PIEZO2: variants seen among roughly 807,000 people sequenced by gnomAD.
PIEZO2 encodes piezo type mechanosensitive ion channel component 2.
A neutral mutation model predicts 337.3 loss-of-function variants in PIEZO2; 172 were observed. The ratio of observed to expected loss-of-function variants is 0.51; its 90% CI spans 0.45 to 0.58. PIEZO2 has a LOEUF of 0.58. Among genes scored for constraint, PIEZO2 ranks in the 20% least tolerant of loss-of-function variants. PIEZO2 has a pLI of 0.00. For synonymous variants in PIEZO2, 1,251 were observed against 1,228.5 expected (o/e 1.02, Z -0.38); for missense variants, 3,028 against 3,391.3 (o/e 0.89, Z 2.66).
rs1598349313 is a variant in PIEZO2, at chr18:10,682,372, T to C, written c.7498-80A>G. 1 of 1,238,468 alleles carries C rather than the reference T, an allele frequency of 8.1e-7. No individual in the cohort carries two copies. Among genetic ancestry groups the C allele is most frequent in the Admixed American group, 2.4e-5 (1 of 42,042 alleles). The allele number at this position is 1,238,468 out of a possible 1,614,324, so 76.7% of individuals were successfully genotyped here. On this transcript the variant is annotated intron_variant, in intron 49 of 55. Coordinates refer to ENST00000674853, the MANE Select transcript of PIEZO2 (RefSeq NM_001378183.1). The surrounding 1 kb of genome is among the most constrained non-coding windows in gnomAD (Gnocchi z 5.6). ...GGCAGCGGGATTGGGGGAGAGCGAGTGCTCTTCCTGTGGTGCTGGGAACAT... is the reference window on the plus strand; with the variant it reads ...GGCAGCGGGATTGGGGGAGAGCGAGCGCTCTTCCTGTGGTGCTGGGAACAT...
chr18:11,041,935 T>C (rs1598870965), intron 2 of PIEZO2, among the ~76,000 whole-genome samples: 1 of 152,210 alleles, frequency 6.6e-6, no homozygotes, highest in African/African-American at 2.4e-5. Context: ...TCTCCATGAC[T>C]GCCATGCCCC....
chr18:10,710,413 C>G lies in PIEZO2; in HGVS notation c.5424-1974G>C, dbSNP rs1173837782. 3.3e-5 allele frequency among the ~76,000 whole-genome samples: 5 copies of G among 152,350 alleles called. No homozygotes were observed. In the East Asian group the frequency reaches 9.6e-4, roughly 29 times the overall value. ...CCACTGCCAGCACCACAGGAACACA[C>G]AGCAACCCCTCAGAGGACATATTTA... is the stretch of plus-strand genomic sequence containing the variant. On this transcript the variant is annotated intron_variant, in intron 39 of 55. Coordinates refer to ENST00000674853, the MANE Select transcript of PIEZO2 (RefSeq NM_001378183.1).
chr18:10,693,093 T>C (rs114356466), intron 47 of PIEZO2, among the ~76,000 whole-genome samples: 2,430 of 152,306 alleles, frequency 0.016, 56 homozygotes, highest in African/African-American at 0.053. Flanking sequence ...GTCTTGTACA[T>C]GTTTTATCAT....
At position 11,146,459 on chromosome 18, in the gene PIEZO2, G is replaced by T. The variant is rs1311048618; in HGVS notation, c.64+2066C>A. Reference sequence around the variant, plus strand: ...CAGTCCCCCCACCTCCACCCTGGCTGCGAGTCACCGCCCCGAGCCCCTGTG... The same window carrying T: ...CAGTCCCCCCACCTCCACCCTGGCTTCGAGTCACCGCCCCGAGCCCCTGTG... On this transcript the variant is annotated intron_variant, in intron 1 of 55. Coordinates refer to ENST00000674853, the MANE Select transcript of PIEZO2 (RefSeq NM_001378183.1). The surrounding 1 kb of genome is among the most constrained non-coding windows in gnomAD (Gnocchi z 6.1). 6.6e-6 allele frequency among the ~76,000 whole-genome samples: 1 copy of T among 152,162 alleles called. No individual in the cohort carries two copies. The highest frequency in any genetic ancestry group is 1.5e-5 in the Non-Finnish European group (1 of 68,020).
At chr18:10,793,163 G>T (rs2039465383) in intron 13 of PIEZO2, among the ~76,000 whole-genome samples, 2 of 152,164 alleles carry the variant, frequency 1.3e-5, no homozygotes, top group Admixed American at 6.5e-5. Context: ...GGAGGCTGAG[G>T]CAGGAGAATG....
intron 3 of PIEZO2, among the ~76,000 whole-genome samples, chr18:10,959,593 T>C (rs868483152): frequency 9.8e-5 from 15 of 152,308 alleles, no homozygotes; most frequent in Admixed American, 2.0e-4. Context: ...GTATTGCGTA[T>C]GTATGCCAAC....
At chr18:10,986,164 G>A (rs1036946849) in intron 2 of PIEZO2, among the ~76,000 whole-genome samples, 4 of 151,888 alleles carry the variant, frequency 2.6e-5, no homozygotes, top group Admixed American at 6.6e-5. Flanking sequence ...ATTTAAAGAC[G>A]GACTAACAGC....
chr18:10,736,478 GT>G (rs1568001044), intron 34 of PIEZO2, 125 bp downstream of exon 34: 2 of 1,315,812 alleles, frequency 1.5e-6, no homozygotes, highest in Admixed American at 5.7e-5. Context: ...AATTGCAGAT[GT>G]AAATCAGAAG....
intron 45 of PIEZO2, among the ~76,000 whole-genome samples, chr18:10,696,993 C>T (rs1037777925): frequency 2.6e-5 from 4 of 152,168 alleles, no homozygotes; most frequent in East Asian, 1.9e-4. Flanking sequence ...TGAGGGCGCT[C>T]AGACTTGGAG....
Position 10,856,058 on chromosome 18 carries a change from T to C in PIEZO2, c.704-492A>G, listed in dbSNP as rs1224607009. ...ATGCTTATTTTATTTTATTTTGTTT[T>C]GTTTTATTTTATTTTATTTTTTGTA... On this transcript the variant is annotated intron_variant, in intron 6 of 55. Transcript: ENST00000674853. The surrounding 1 kb of genome is among the most constrained non-coding windows in gnomAD (Gnocchi z 4.7). 6.6e-6 allele frequency among the ~76,000 whole-genome samples: 1 copy of C among 152,146 alleles called. No homozygotes were observed. The highest frequency in any genetic ancestry group is 1.5e-5 in the Non-Finnish European group (1 of 68,038).
rs1229349451 is a variant in PIEZO2, at chr18:10,675,397, T to A, written c.8082-109A>T. On this transcript the variant is annotated intron_variant, in intron 53 of 55. Transcript: ENST00000674853. Reference sequence around the variant, plus strand: ...TTGTATCACCAAATAATAGTGAAAGTTTCATATATCTGTACAATGTGTAGA... The same window carrying A: ...TTGTATCACCAAATAATAGTGAAAGATTCATATATCTGTACAATGTGTAGA... 9.8e-6 allele frequency: 6 copies of A among 613,588 alleles called. No homozygotes were observed. The Admixed American group carries it at 2.2e-4, about 23-fold the overall frequency. 38.0% of individuals were successfully genotyped at this position (613,588 alleles called of 1,614,324 possible).
chr18:10,768,851 A>C (rs1450452448), intron 21 of PIEZO2, among the ~76,000 whole-genome samples: 1 of 152,220 alleles, frequency 6.6e-6, no homozygotes, highest in Non-Finnish European at 1.5e-5. Context: ...TGCATCCTTT[A>C]ACCCTTTTCT....
chr18:10,967,269 G>A lies in PIEZO2; in HGVS notation c.286+12266C>T, dbSNP rs181512515. Among the ~76,000 whole-genome samples, 31 of 152,014 alleles carry A rather than the reference G, an allele frequency of 2.0e-4. No individual in the cohort carries two copies. In the East Asian group the frequency reaches 4.3e-3, roughly 21 times the overall value. The stretch of plus-strand genomic sequence containing the variant: ...CCTGACCTCATGATCCACCTGCCTC[G>A]GCCTCCCAAAGTGCTGGGATTACAG... On this transcript the variant is annotated intron_variant, in intron 3 of 55. Coordinates refer to ENST00000674853, the MANE Select transcript of PIEZO2 (RefSeq NM_001378183.1).
At chr18:10,744,620 C>A (rs1422419123) in intron 30 of PIEZO2, among the ~76,000 whole-genome samples, 1 of 152,144 alleles carries the variant, frequency 6.6e-6, no homozygotes, top group African/African-American at 2.4e-5. Context: ...AAAAAGGGTA[C>A]AGTCAGATTC....
Position 10,862,605 on chromosome 18 carries a change from C to CA in PIEZO2, c.493-5395dup, listed in dbSNP as rs1329426718. Reference sequence around the variant, plus strand: ...ACATCCATGTTTCATTACTCCCAAGCACTCTAAAAATCCAACTGGGTTGGA... The same window carrying CA: ...ACATCCATGTTTCATTACTCCCAAGCAACTCTAAAAATCCAACTGGGTTGGA... On this transcript the variant is annotated intron_variant, in intron 5 of 55. Coordinates refer to ENST00000674853, the MANE Select transcript of PIEZO2 (RefSeq NM_001378183.1). The surrounding 1 kb of genome is among the most constrained non-coding windows in gnomAD (Gnocchi z 4.4). Among the ~76,000 whole-genome samples the CA allele has an allele frequency of 6.6e-6, 1 of 152,206 alleles. No individual in the cohort carries two copies. Among genetic ancestry groups the CA allele is most frequent in the Non-Finnish European group, 1.5e-5 (1 of 68,038 alleles).
intron 3 of PIEZO2, among the ~76,000 whole-genome samples, chr18:10,920,601 C>A (rs1223256998): frequency 6.6e-6 from 1 of 152,112 alleles, no homozygotes; most frequent in East Asian, 1.9e-4. Flanking sequence ...CTCGTTCATA[C>A]CCAGGTTTCC....
intron 42 of PIEZO2, among the ~76,000 whole-genome samples, chr18:10,703,407 A>G (rs2035423487): frequency 6.6e-6 from 1 of 152,238 alleles, no homozygotes; most frequent in Admixed American, 6.5e-5. Flanking sequence ...TTCCTTATGG[A>G]AATAAGATGC....
chr18:10,702,774 C>T (rs1259803837), intron 42 of PIEZO2, among the ~76,000 whole-genome samples: 1 of 152,230 alleles, frequency 6.6e-6, no homozygotes, highest in Non-Finnish European at 1.5e-5. Flanking sequence ...AGTAAATCAA[C>T]ATCAAGAATT....
rs1222676321 is a variant in PIEZO2, at chr18:11,021,792, GGACTGCA to G, written c.161-42139_161-42133del. On this transcript the variant is annotated intron_variant, in intron 2 of 55. Coordinates refer to ENST00000674853, the MANE Select transcript of PIEZO2 (RefSeq NM_001378183.1). This position sits in a 1 kb window ranked among gnomAD's most constrained non-coding sequence, Gnocchi z 4.7. ...TGTGAGGCATCATCTAGACGCTGGG[GGACTGCA>G]GATGCAAACCAGGAAAATGCCCAGC... Among the ~76,000 whole-genome samples the G allele has an allele frequency of 2.0e-5, 3 of 152,264 alleles. No individual in the cohort carries two copies. Among genetic ancestry groups the G allele is most frequent in the Admixed American group, 2.0e-4 (3 of 15,292 alleles).
Sources: gnomAD v4.1 joint callset for allele counts (sites outside exome capture counted in the v4.1 genomes callset) on GRCh38, gnomAD v4.1.1 for gene constraint, Gnocchi (gnomAD v3.1) non-coding constraint, MANE v1.5 for transcripts, NCBI Gene and HGNC (gene_info 2026-07-23, HGNC 2026-07-21) for gene names.